The following NCOR1 variants were observed in gnomAD, a reference collection of about 807,000 sequenced individuals.
The protein encoded by NCOR1 is protein phosphatase 1, regulatory subunit 109.
Under a neutral mutation model 288.1 loss-of-function variants are expected in NCOR1, and 63 were observed. That is an observed-to-expected ratio of 0.22 (90% confidence interval 0.18 to 0.27). NCOR1 has a LOEUF of 0.27. NCOR1 is among the 10% of genes least tolerant of loss of function. The probability of loss-of-function intolerance (pLI) is 1.00; values close to 1 mark genes in which losing one functional copy is unlikely to be tolerated. For synonymous variants in NCOR1, 1,007 were observed against 1,065.9 expected (o/e 0.94, Z 1.08); for missense variants, 2,397 against 3,019.2 (o/e 0.79, Z 4.83).
chr17:16,085,522 A>G (rs1325786793), intron 23 of NCOR1, among the ~76,000 whole-genome samples: 2 of 152,250 alleles, frequency 1.3e-5, no homozygotes, highest in Non-Finnish European at 2.9e-5. Context: ...ATTACTCAGC[A>G]ATAAAAAGGA....
At chr17:16,168,610 A>G (rs990430239) in intron 4 of NCOR1, among the ~76,000 whole-genome samples, 2 of 152,204 alleles carry the variant, frequency 1.3e-5, no homozygotes, top group African/African-American at 4.8e-5. Context: ...CCTGGTCTAC[A>G]ATTAATTATA....
At chr17:16,155,928 C>T (rs1222209623) in intron 6 of NCOR1, among the ~76,000 whole-genome samples, 3 of 152,162 alleles carry the variant, frequency 2.0e-5, no homozygotes, top group South Asian at 2.1e-4. Context: ...TTGTGCTCTC[C>T]TCCTCCCCTC....
chr17:16,037,285 T>C (rs1376744540), intron 44 of NCOR1, among the ~76,000 whole-genome samples: 2 of 151,886 alleles, frequency 1.3e-5, no homozygotes, highest in African/African-American at 2.4e-5. Flanking sequence ...GAGATAATAA[T>C]CATGAACAAG....
At chr17:16,148,598 A>C (rs986195473) in intron 9 of NCOR1, among the ~76,000 whole-genome samples, 1 of 146,822 alleles carries the variant, frequency 6.8e-6, no homozygotes, top group African/African-American at 2.5e-5. Context: ...ATTACAACAA[A>C]ATTACTTGGA....
At chr17:16,102,510 A>G (rs2067818047) in intron 19 of NCOR1, among the ~76,000 whole-genome samples, 1 of 152,200 alleles carries the variant, frequency 6.6e-6, no homozygotes, top group Admixed American at 6.5e-5. Flanking sequence ...CATGTGATCA[A>G]TAGCAAAAAA....
intron 21 of NCOR1, among the ~76,000 whole-genome samples, chr17:16,097,349 G>C (rs2066825370): frequency 6.6e-6 from 1 of 152,202 alleles, no homozygotes; most frequent in Non-Finnish European, 1.5e-5. Context: ...TGGGAATACA[G>C]GGCTGGGAGT....
Position 16,048,846 on chromosome 17 carries a change from T to C in NCOR1, c.6535A>G (p.Arg2179Gly). The C allele has an allele frequency of 6.2e-7, 1 of 1,606,986 alleles. No individual in the cohort carries two copies. The highest frequency in any genetic ancestry group is 8.5e-7 in the Non-Finnish European group (1 of 1,175,492). ...GCTGTCACTAGGAAGCACACTTACC[T>C]CTGCTCTGCAGGCTCTGCGCCCCTC... ...SQRGAEPAEQ[R>G]NDARSPGSIS... The change falls in exon 41 of 46, where the codon AGG (arginine) becomes GGG (glycine). Residue 2179 changes from arginine to glycine, a missense_variant and splice_region_variant. This residue lies in a region of NCOR1 where 1,872 missense variants were observed against 2,187.8 expected (regional missense o/e 0.86). Coordinates refer to ENST00000268712, the MANE Select transcript of NCOR1 (RefSeq NM_006311.4).
In NCOR1 at chr17:16,058,610, AG is replaced by A; in HGVS notation, c.5882-12del. ...ACCTGTGAGAAGATACTTTAAGAAA[AG>A]AAAATCTTATTTCAAAACTAATCCC... On this transcript the variant is annotated splice_polypyrimidine_tract_variant and intron_variant, in intron 37 of 45. Transcript: ENST00000268712. The A allele has an allele frequency of 6.3e-7, 1 of 1,585,364 alleles. No individual in the cohort carries two copies. The highest frequency in any genetic ancestry group is 8.6e-7 in the Non-Finnish European group (1 of 1,165,594).
At chr17:16,196,357 C>T (rs528995685) in intron 1 of NCOR1, among the ~76,000 whole-genome samples, 2 of 151,898 alleles carry the variant, frequency 1.3e-5, no homozygotes, top group African/African-American at 2.4e-5. Context: ...AGGGAATTGT[C>T]ATTCAATCTA....
chr17:16,090,092 A>T (rs1056354795), intron 22 of NCOR1, among the ~76,000 whole-genome samples: 7 of 149,980 alleles, frequency 4.7e-5, no homozygotes, highest in African/African-American at 1.8e-4. Flanking sequence ...AATACAATTC[A>T]CAGTTTGGAG....
At chr17:16,070,782 C>T (rs2061660993) in intron 30 of NCOR1, among the ~76,000 whole-genome samples, 1 of 152,186 alleles carries the variant, frequency 6.6e-6, no homozygotes, top group African/African-American at 2.4e-5. Context: ...GTAATCCCAG[C>T]GCTTTGGGAG....
chr17:16,098,327 T>G, intron 21 of NCOR1, 40 bp downstream of exon 21: 1 of 1,600,474 alleles, frequency 6.2e-7, no homozygotes, highest in Non-Finnish European at 8.5e-7. Flanking sequence ...AAGGTCTCAG[T>G]TTTTCATATT....
In NCOR1 at chr17:16,215,445, A is replaced by AC; in HGVS notation, c.-155dup. 2.5e-6 allele frequency: 1 copy of AC among 397,236 alleles called. No individual in the cohort carries two copies. The highest frequency in any genetic ancestry group is 4.4e-6 in the Non-Finnish European group (1 of 225,218). The allele number at this position is 397,236 out of a possible 1,614,324, so 24.6% of individuals were successfully genotyped here. A position where few individuals can be genotyped will look rare whatever the true frequency, so the allele number is the denominator to read the frequency against. On this transcript the variant is annotated 5_prime_UTR_variant, in exon 1 of 46. Transcript: ENST00000268712. ...CCACGGCGCGCGGCCCTACACCGGG[A>AC]CCTCGTTCGGCGCGGCGAGTCGGAC... is the stretch of plus-strand genomic sequence containing the variant.
chr17:16,214,456 A>T (rs529071117), intron 1 of NCOR1, among the ~76,000 whole-genome samples: 6 of 152,210 alleles, frequency 3.9e-5, no homozygotes, highest in Admixed American at 3.9e-4. Flanking sequence ...TGTAAATTTC[A>T]ATATAATTAG....
chr17:16,157,929 TA>T (rs1206947128), intron 6 of NCOR1, among the ~76,000 whole-genome samples: 10 of 150,612 alleles, frequency 6.6e-5, no homozygotes, highest in Admixed American at 1.3e-4. Flanking sequence ...AGAGTAAACC[TA>T]AAAAAGCAAA....
At chr17:16,083,399 C>T (rs1288007917) in intron 23 of NCOR1, among the ~76,000 whole-genome samples, 5 of 151,728 alleles carry the variant, frequency 3.3e-5, no homozygotes, top group Non-Finnish European at 5.9e-5. Context: ...ATCAAATAGC[C>T]AAATATAAAT....
chr17:16,060,594 A>G (rs1021171754), intron 37 of NCOR1, among the ~76,000 whole-genome samples: 6 of 152,232 alleles, frequency 3.9e-5, no homozygotes, highest in Admixed American at 3.9e-4. Flanking sequence ...TGACGTAAAC[A>G]AATTATAATT....
intron 6 of NCOR1, among the ~76,000 whole-genome samples, chr17:16,156,466 C>T (rs1046363669): frequency 1.2e-5 from 1 of 84,444 alleles, no homozygotes; most frequent in African/African-American, 5.1e-5. Flanking sequence ...AGAAGGAAAG[C>T]GAAAAAAAAA....
intron 21 of NCOR1, among the ~76,000 whole-genome samples, chr17:16,092,652 TATATATATATATATATATATA>T (rs2065396086): frequency 3.6e-4 from 4 of 11,162 alleles, no homozygotes; most frequent in Non-Finnish European, 5.7e-4. Context: ...TCCATTTATA[TATATATATATATATATATATA>T]TATATATATA....
Sources: allele counts gnomAD v4.1 joint callset (sites outside exome capture counted in the v4.1 genomes callset), GRCh38; gene constraint gnomAD v4.1.1; regional missense constraint gnomAD v4.1.1; transcripts MANE v1.5; gene names NCBI Gene and HGNC (gene_info 2026-07-23, HGNC 2026-07-21).